Variants in ARSJ observed in about 807,000 individuals in gnomAD.
ARSJ encodes the protein arylsulfatase family member J.
ARSJ carries 26 observed loss-of-function variants against 35.9 expected under a neutral mutation model. The ratio of observed to expected loss-of-function variants is 0.72; its 90% confidence interval spans 0.53 to 1.00. ARSJ has a LOEUF of 1.00. Ranked by LOEUF, ARSJ falls within the 50% of genes least tolerant of loss-of-function variation. The probability of loss-of-function intolerance (pLI) is 0.00; values close to 1 mark genes in which losing one functional copy is unlikely to be tolerated. For synonymous variants in ARSJ, 294 were observed against 267.6 expected (o/e 1.10, Z -0.96); for missense variants, 667 against 723.6 (o/e 0.92, Z 0.90).
chr4:113,975,944 C>T (rs1182176945), intron 1 of ARSJ, among the ~76,000 whole-genome samples: 1 of 152,164 alleles, frequency 6.6e-6, no homozygotes, highest in Non-Finnish European at 1.5e-5. Context: ...CACACTACAA[C>T]TTGAGAACTA....
chr4:113,945,935 T>C (rs780353112), intron 1 of ARSJ, among the ~76,000 whole-genome samples: 11 of 152,058 alleles, frequency 7.2e-5, no homozygotes, highest in Admixed American at 3.3e-4. Context: ...AAAATGTCAG[T>C]TTGTTCATAG....
chr4:113,977,621 T>C (rs1727669804), intron 1 of ARSJ, among the ~76,000 whole-genome samples: 1 of 152,224 alleles, frequency 6.6e-6, no homozygotes. Flanking sequence ...CCAAATCAAT[T>C]ACAGTAGCCT....
At chr4:113,907,156 C>T (rs2099669011) in intron 1 of ARSJ, among the ~76,000 whole-genome samples, 1 of 152,136 alleles carries the variant, frequency 6.6e-6, no homozygotes, top group African/African-American at 2.4e-5. Context: ...GGAAAGATGC[C>T]AGAAGTCTTG....
chr4:113,978,611 T>C lies in ARSJ; in HGVS notation c.224A>G (p.Gln75Arg). The C allele has an allele frequency of 2.5e-6, 4 of 1,614,226 alleles. No homozygotes were observed. Among genetic ancestry groups the C allele is most frequent in the Admixed American group, 1.7e-5 (1 of 60,028 alleles). ...CGCTAGGATGAAAATGAGATGGGGC[T>C]GGGAGGTGGAAGTTGTGCTGGGCTC... ...KLEPSTTSTS[Q>R]PHLIFILADD... Residue 75 changes from glutamine (Q) to arginine (R), a missense_variant, in exon 1 of 2, where the codon CAG becomes CGG. Coordinates refer to ENST00000315366, the MANE Select transcript of ARSJ (RefSeq NM_024590.4).
At position 113,902,487 on chromosome 4, in the gene ARSJ, A is replaced by C; in HGVS notation, c.1587T>G (p.Thr529=). ...LLRRLSQFNK[T]AVPVRYPPKD... is the part of the protein sequence containing the mutation. ...TGGGGGGATACCTGACCGGCACTGC[A>C]GTTTTGTTGAACTGTGAGAGCCTCC... The change falls in exon 2 of 2, where the codon ACT becomes ACG. Residue 529 remains threonine (T), a synonymous_variant. Coordinates refer to ENST00000315366, the MANE Select transcript of ARSJ (RefSeq NM_024590.4). The C allele has an allele frequency of 6.2e-7, 1 of 1,614,090 alleles. No homozygotes were observed. The highest frequency in any genetic ancestry group is 8.5e-7 in the Non-Finnish European group (1 of 1,180,020).
At chr4:113,923,845 T>C (rs1231082853) in intron 1 of ARSJ, among the ~76,000 whole-genome samples, 2 of 151,236 alleles carry the variant, frequency 1.3e-5, no homozygotes, top group African/African-American at 4.9e-5. Context: ...TAAAATAAAA[T>C]TTCCATAAAA....
chr4:113,924,024 TATATATATATAA>T (rs1562345315), intron 1 of ARSJ, among the ~76,000 whole-genome samples: 14 of 8,634 alleles, frequency 1.6e-3, no homozygotes, highest in Non-Finnish European at 5.1e-3. Context: ...AGAATCTACA[TATATATATATAA>T]ATATATATAA....
At position 113,902,801 on chromosome 4, in the gene ARSJ, TG is replaced by T; in HGVS notation, c.1272del (p.Ile425TyrfsTer92). 1 of 1,614,164 alleles carries T rather than the reference TG, an allele frequency of 6.2e-7. No homozygotes were observed. Among genetic ancestry groups the T allele is most frequent in the South Asian group, 1.1e-5 (1 of 91,082 alleles). On this transcript the variant is annotated frameshift_variant, in exon 2 of 2. Coordinates refer to ENST00000315366, the MANE Select transcript of ARSJ (RefSeq NM_024590.4). LOFTEE classifies it high-confidence loss of function. ...GAGCCATTTTTTGCCTTGGTGTATA[TG>T]GGGTCAATGTTATGCAAAATATCTA... ...PRVDILHNIDPIYTKAKNGSW... is the reference protein window; with the variant it reads ...PRVDILHNIDXIYTKAKNGSW...
At chr4:113,948,522 A>C (rs903613306) in intron 1 of ARSJ, among the ~76,000 whole-genome samples, 1 of 152,100 alleles carries the variant, frequency 6.6e-6, no homozygotes, top group Non-Finnish European at 1.5e-5. Flanking sequence ...TTAAAACTAA[A>C]CCACTTATCC....
chr4:113,953,290 T>C (rs1348260321), intron 1 of ARSJ, among the ~76,000 whole-genome samples: 2 of 152,164 alleles, frequency 1.3e-5, no homozygotes, highest in South Asian at 2.1e-4. Context: ...GTCTTAGAAT[T>C]TGCGGTGAGT....
intron 1 of ARSJ, among the ~76,000 whole-genome samples, chr4:113,908,018 T>G (rs924036848): frequency 6.6e-6 from 1 of 152,122 alleles, no homozygotes; most frequent in African/African-American, 2.4e-5. Context: ...ACGATATATC[T>G]GTACACCAAA....
Position 113,902,520 on chromosome 4 carries a change from C to T in ARSJ, c.1554G>A (p.Lys518=). ...LSNRYPGIVK[K]LLRRLSQFNK... is the part of the protein sequence containing the mutation. Reference sequence around the variant, plus strand: ...TGAACTGTGAGAGCCTCCGTAGGAGCTTCTTCACGATTCCTGGATACCTGT... The same window carrying T: ...TGAACTGTGAGAGCCTCCGTAGGAGTTTCTTCACGATTCCTGGATACCTGT... Residue 518 remains lysine (K), a synonymous_variant, in exon 2 of 2, where the codon AAG becomes AAA. Transcript: ENST00000315366. 6.2e-7 allele frequency: 1 copy of T among 1,614,146 alleles called. No individual in the cohort carries two copies. The highest frequency in any genetic ancestry group is 8.5e-7 in the Non-Finnish European group (1 of 1,180,020).
intron 1 of ARSJ, among the ~76,000 whole-genome samples, chr4:113,944,516 T>C (rs577980056): frequency 6.6e-6 from 1 of 152,098 alleles, no homozygotes; most frequent in African/African-American, 2.4e-5. Flanking sequence ...CCAATAAAAT[T>C]ATATGCAGTG....
intron 1 of ARSJ, among the ~76,000 whole-genome samples, chr4:113,905,899 C>G (rs947028823): frequency 2.0e-5 from 3 of 151,932 alleles, no homozygotes; most frequent in Non-Finnish European, 4.4e-5. Context: ...AACTTCTGAC[C>G]TCAGGTGATT....
At chr4:113,917,910 C>T (rs927413565) in intron 1 of ARSJ, among the ~76,000 whole-genome samples, 2 of 152,084 alleles carry the variant, frequency 1.3e-5, no homozygotes, top group Admixed American at 6.6e-5. Context: ...CACTGAGTTA[C>T]CATGAAGATT....
At chr4:113,952,605 G>A (rs1725930224) in intron 1 of ARSJ, among the ~76,000 whole-genome samples, 1 of 152,062 alleles carries the variant, frequency 6.6e-6, no homozygotes, top group African/African-American at 2.4e-5. Flanking sequence ...TAAACGCTTG[G>A]GTGAGGTAAT....
chr4:113,973,469 T>C (rs1727404357), intron 1 of ARSJ, among the ~76,000 whole-genome samples: 1 of 152,160 alleles, frequency 6.6e-6, no homozygotes, highest in South Asian at 2.1e-4. Flanking sequence ...CAAAAACTAG[T>C]TAATTCCACC....
chr4:113,947,161 AT>A (rs1725539269), intron 1 of ARSJ, among the ~76,000 whole-genome samples: 1 of 152,098 alleles, frequency 6.6e-6, no homozygotes, highest in Admixed American at 6.6e-5. Context: ...AAATTGTGAT[AT>A]TTAGGTCTTC....
intron 1 of ARSJ, among the ~76,000 whole-genome samples, chr4:113,940,130 C>A (rs1004978409): frequency 1.3e-5 from 2 of 152,096 alleles, no homozygotes; most frequent in South Asian, 4.1e-4. Context: ...CCAGCAATTT[C>A]ATTGCTGGGT....
Sources: gnomAD v4.1 joint callset for allele counts (sites outside exome capture counted in the v4.1 genomes callset) on GRCh38, gnomAD v4.1.1 for gene constraint, MANE v1.5 for transcripts, NCBI Gene and HGNC (gene_info 2026-07-23, HGNC 2026-07-21) for gene names.